Variants in FNDC3B observed in about 807,000 individuals in gnomAD.
The protein encoded by FNDC3B is fibronectin type III domain-containing protein 3B.
FNDC3B carries 12 observed loss-of-function variants against 151.5 expected under a neutral mutation model. That is an observed-to-expected ratio of 0.08 (90% CI 0.05 to 0.13). FNDC3B has a LOEUF of 0.13. Among genes scored for constraint, FNDC3B ranks in the 10% least tolerant of loss-of-function variants. The probability of loss-of-function intolerance (pLI) is 1.00; values close to 1 mark genes in which losing one functional copy is unlikely to be tolerated. For missense variants in FNDC3B, 1,214 were observed against 1,505.3 expected, an observed-to-expected ratio of 0.81 and a Z score of 3.20; for synonymous variants, 528 against 549.0, an observed-to-expected ratio of 0.96 and a Z score of 0.54.
intron 3 of FNDC3B, among the ~76,000 whole-genome samples, chr3:172,184,062 G>T (rs955494814): frequency 1.3e-5 from 2 of 152,174 alleles, no homozygotes; most frequent in African/African-American, 2.4e-5. Flanking sequence ...AGTGAATAAA[G>T]ATAAGTAATT....
At position 172,207,963 on chromosome 3, in the gene FNDC3B, G is replaced by A. The variant is rs1725515986; in HGVS notation, c.188-18908G>A. Reference sequence around the variant, plus strand: ...ACTCCACCTCAAAAAATAAAAAAAAGATAATTCAGTAAAATTAAAGGGTTG... The same window carrying A: ...ACTCCACCTCAAAAAATAAAAAAAAAATAATTCAGTAAAATTAAAGGGTTG... On this transcript the variant is annotated intron_variant, in intron 3 of 25. Transcript: ENST00000415807. 2.0e-5 allele frequency among the ~76,000 whole-genome samples: 3 copies of A among 151,820 alleles called. No individual in the cohort carries two copies. The South Asian group carries it at 6.2e-4, about 32-fold the overall frequency.
At chr3:172,148,886 C>G (rs1722070212) in intron 3 of FNDC3B, among the ~76,000 whole-genome samples, 1 of 152,192 alleles carries the variant, frequency 6.6e-6, no homozygotes, top group African/African-American at 2.4e-5. Context: ...GAATGCCAGG[C>G]TCCATCTCAG....
chr3:172,049,331 A>G (rs1396596635), intron 1 of FNDC3B, among the ~76,000 whole-genome samples: 1 of 152,146 alleles, frequency 6.6e-6, no homozygotes, highest in Non-Finnish European at 1.5e-5. Flanking sequence ...ATTTAAGAGG[A>G]AAATGTTTAA....
chr3:172,276,996 G>A (rs982544021), intron 6 of FNDC3B, among the ~76,000 whole-genome samples: 2 of 152,112 alleles, frequency 1.3e-5, no homozygotes, highest in Non-Finnish European at 2.9e-5. Context: ...AAATTTATTC[G>A]ATTAATGTTA....
chr3:172,346,522 A>C (rs1359685586), intron 20 of FNDC3B, 82 bp downstream of exon 20: 2 of 831,298 alleles, frequency 2.4e-6, no homozygotes, highest in Admixed American at 4.8e-5. Flanking sequence ...GGAAGCTGCA[A>C]ATCCAAAATG....
chr3:172,067,562 A>G (rs1260630812), intron 1 of FNDC3B, among the ~76,000 whole-genome samples: 1 of 152,238 alleles, frequency 6.6e-6, no homozygotes, highest in Non-Finnish European at 1.5e-5. Flanking sequence ...TGTTTCTTTA[A>G]AAAGATAATT....
chr3:172,060,534 A>G (rs1013046997), intron 1 of FNDC3B, among the ~76,000 whole-genome samples: 1 of 152,208 alleles, frequency 6.6e-6, no homozygotes, highest in Non-Finnish European at 1.5e-5. Flanking sequence ...ATGAACTGGT[A>G]CCTGAAGTTT....
intron 3 of FNDC3B, among the ~76,000 whole-genome samples, chr3:172,217,963 C>T (rs1182166230): frequency 1.3e-5 from 2 of 152,018 alleles, no homozygotes; most frequent in African/African-American, 4.8e-5. Context: ...CTATCAGCAA[C>T]TCAGTTTTGG....
At chr3:172,299,761 A>C (rs1730810329) in intron 9 of FNDC3B, among the ~76,000 whole-genome samples, 1 of 152,160 alleles carries the variant, frequency 6.6e-6, no homozygotes, top group Admixed American at 6.5e-5. Flanking sequence ...GGTTGGAGGC[A>C]AGGTAGCCTA....
chr3:172,079,533 G>A (rs1231252477), intron 1 of FNDC3B, among the ~76,000 whole-genome samples: 3 of 152,354 alleles, frequency 2.0e-5, no homozygotes, highest in Admixed American at 6.5e-5. Context: ...CATCAAAACA[G>A]AGGTATCTTG....
chr3:172,108,185 A>AACTT (rs77087424), intron 1 of FNDC3B, among the ~76,000 whole-genome samples: 22,407 of 151,772 alleles, frequency 0.15, 2,857 homozygotes, highest in African/African-American at 0.34. Context: ...AGAAAAAAAA[A>AACTT]AAGTAGAGGT....
intron 3 of FNDC3B, among the ~76,000 whole-genome samples, chr3:172,137,744 A>T (rs956571352): frequency 6.6e-6 from 1 of 152,234 alleles, no homozygotes; most frequent in Non-Finnish European, 1.5e-5. Flanking sequence ...ATTCATTTCT[A>T]ATGGAATATT....
At chr3:172,292,616 A>G (rs1313486215) in intron 7 of FNDC3B, among the ~76,000 whole-genome samples, 1 of 152,238 alleles carries the variant, frequency 6.6e-6, no homozygotes, top group Non-Finnish European at 1.5e-5. Flanking sequence ...TCACACCACC[A>G]TTCATGGAAT....
At chr3:172,291,393 A>G (rs1218926748) in intron 7 of FNDC3B, among the ~76,000 whole-genome samples, 2 of 152,212 alleles carry the variant, frequency 1.3e-5, no homozygotes, top group African/African-American at 2.4e-5. Flanking sequence ...AGTAACCTGT[A>G]CAACAGACCC....
intron 3 of FNDC3B, among the ~76,000 whole-genome samples, chr3:172,210,557 T>G (rs1725684845): frequency 6.6e-6 from 1 of 152,140 alleles, no homozygotes; most frequent in Non-Finnish European, 1.5e-5. Flanking sequence ...ACTTCTTTTT[T>G]TTTGCCCACG....
At chr3:172,148,688 A>G (rs1380678743) in intron 3 of FNDC3B, 1 of 152,192 alleles carries the variant, frequency 6.6e-6, no homozygotes. Context: ...AAAAAAATCT[A>G]TTTCAAGCGT....
At chr3:172,176,668 A>G (rs898779793) in intron 3 of FNDC3B, among the ~76,000 whole-genome samples, 1 of 152,072 alleles carries the variant, frequency 6.6e-6, no homozygotes, top group African/African-American at 2.4e-5. Context: ...TGCTGTAGGA[A>G]CCCTGAATTC....
chr3:172,206,386 C>T (rs374825689), intron 3 of FNDC3B, among the ~76,000 whole-genome samples: 4 of 152,176 alleles, frequency 2.6e-5, no homozygotes, highest in African/African-American at 7.2e-5. Context: ...AGGCCAGGCG[C>T]GGTGGCTTAT....
At chr3:172,276,814 A>G (rs1426510815) in intron 6 of FNDC3B, among the ~76,000 whole-genome samples, 1 of 152,198 alleles carries the variant, frequency 6.6e-6, no homozygotes, top group Non-Finnish European at 1.5e-5. Flanking sequence ...GACTGCTCCA[A>G]AAATGTCAAC....
Sources: gnomAD v4.1 joint callset for allele counts (sites outside exome capture counted in the v4.1 genomes callset) on GRCh38, gnomAD v4.1.1 for gene constraint, MANE v1.5 for transcripts, NCBI Gene and HGNC (gene_info 2026-07-23, HGNC 2026-07-21) for gene names.